MICU1: variants seen among roughly 807,000 people sequenced by gnomAD.
MICU1 encodes calcium uptake protein 1, mitochondrial.
In MICU1, 45 loss-of-function variants were observed where a neutral mutation model predicts 56.8. That is an observed-to-expected ratio of 0.79 (90% CI 0.62 to 1.02). The LOEUF (loss-of-function observed/expected upper bound fraction) is 1.02. MICU1 is among the 50% of genes least tolerant of loss of function. The pLI, the probability that MICU1 is intolerant of heterozygous loss-of-function variation, is 0.00. For missense variants in MICU1, 504 were observed against 587.1 expected (o/e 0.86, Z 1.46); for synonymous variants, 186 against 195.1 (o/e 0.95, Z 0.39).
intron 10 of MICU1, 70 bp from the exon 11 acceptor site, chr10:72,375,942 A>G: frequency 2.2e-6 from 3 of 1,353,274 alleles, no homozygotes; most frequent in Middle Eastern, 3.6e-4. Context: ...TTCAGGGGAT[A>G]AAACGACTCA....
chr10:72,395,360 T>C (rs1001784925), intron 10 of MICU1, among the ~76,000 whole-genome samples: 17 of 152,202 alleles, frequency 1.1e-4, no homozygotes, highest in African/African-American at 3.4e-4. Flanking sequence ...GCTCCCAGTG[T>C]GATCGACACA....
chr10:72,589,026 G>A (rs767896896), intron 1 of MICU1, among the ~76,000 whole-genome samples: 4 of 152,110 alleles, frequency 2.6e-5, no homozygotes, highest in African/African-American at 7.2e-5. Flanking sequence ...GGTGACTCAC[G>A]CCTGTAATCC....
At chr10:72,423,117 A>T (rs572632877) in intron 9 of MICU1, 117 bp downstream of exon 9, 1 of 1,363,396 alleles carries the variant, frequency 7.3e-7, no homozygotes, top group Admixed American at 2.4e-5. Context: ...ACCAGAAATG[A>T]ATTAGGTGTA....
At chr10:72,413,223 CA>C (rs369850661) in intron 9 of MICU1, among the ~76,000 whole-genome samples, 1 of 132,468 alleles carries the variant, frequency 7.5e-6, no homozygotes, top group African/African-American at 4.3e-5. Flanking sequence ...AAAACAAAAA[CA>C]AAACAAAACA....
intron 8 of MICU1, among the ~76,000 whole-genome samples, chr10:72,440,203 T>C (rs1026104610): frequency 6.6e-6 from 1 of 152,068 alleles, no homozygotes; most frequent in African/African-American, 2.4e-5. Context: ...AAAACAGATA[T>C]ATAGACTAAT....
intron 9 of MICU1, 120 bp downstream of exon 9, chr10:72,423,114 A>G: frequency 1.5e-6 from 2 of 1,348,236 alleles, no homozygotes; most frequent in Non-Finnish European, 2.0e-6. Flanking sequence ...GGTACCAGAA[A>G]TGAATTAGGT....
intron 1 of MICU1, chr10:72,582,920 A>G (rs558569691): frequency 9.2e-5 from 14 of 152,238 alleles, no homozygotes; most frequent in African/African-American, 2.4e-4. Context: ...AGTGTCCACA[A>G]TAAGTTCAAT....
Position 72,475,169 on chromosome 10 carries a change from C to G in MICU1, c.864G>C (p.Lys288Asn), listed in dbSNP as rs531753882. Residue 288 changes from lysine to asparagine, a missense_variant, in exon 8 of 12, where the codon AAG (lysine) becomes AAC (asparagine). Coordinates refer to ENST00000361114, the MANE Select transcript of MICU1 (RefSeq NM_001195518.2). ...LTTYFFGADL[K>N]GKLTIKNFLE... ...GGAAGTTTTTGATTGTCAGCTTTCC[C>G]TTCAGATCAGCTCCAAAAAAGTAGG... is the stretch of plus-strand genomic sequence containing the variant. The G allele has an allele frequency of 9.3e-6, 15 of 1,611,334 alleles. No individual in the cohort carries two copies. In the East Asian group the frequency reaches 3.3e-4, roughly 36 times the overall value.
chr10:72,511,881 C>T (rs1867462405), intron 5 of MICU1, among the ~76,000 whole-genome samples: 1 of 152,144 alleles, frequency 6.6e-6, no homozygotes, highest in Admixed American at 6.5e-5. Context: ...CTCCAGATCC[C>T]TAGCTGATTG....
chr10:72,436,557 T>A (rs142359858), intron 8 of MICU1, among the ~76,000 whole-genome samples: 4,135 of 152,248 alleles, frequency 0.027, 180 homozygotes, highest in African/African-American at 0.096. Flanking sequence ...AGACAGAGAA[T>A]GACTTTGACG....
In MICU1 at chr10:72,566,660, G is replaced by T; in HGVS notation, c.134C>A (p.Thr45Asn). 3 of 1,613,008 alleles carry T rather than the reference G, an allele frequency of 1.9e-6. No homozygotes were observed. The highest frequency in any genetic ancestry group is 2.2e-5 in the South Asian group (2 of 90,816). ...CTTCCACAAAAGACCAGTACTTGCAGTTACTGCAGATGCTCCCAGGAAAGC... is the reference window on the plus strand; with the variant it reads ...CTTCCACAAAAGACCAGTACTTGCATTTACTGCAGATGCTCCCAGGAAAGC... ...MVAFLGASAV[T>N]ASTGLLWKRA... The change falls in exon 2 of 12, where the codon ACT (threonine) becomes AAT (asparagine). Residue 45 changes from threonine (T) to asparagine (N), a missense_variant. Thr to Asn is a moderately conservative substitution (Grantham distance 65). Transcript: ENST00000361114.
At chr10:72,607,627 A>G in intron 1 of MICU1, among the ~76,000 whole-genome samples, 1 of 149,852 alleles carries the variant, frequency 6.7e-6, no homozygotes. Context: ...ACAAGAGCGA[A>G]ACTCCATCTC....
intron 9 of MICU1, among the ~76,000 whole-genome samples, chr10:72,415,996 G>A (rs1167996905): frequency 6.6e-6 from 1 of 152,154 alleles, no homozygotes; most frequent in East Asian, 1.9e-4. Flanking sequence ...CACAAGATAT[G>A]TAAAATGTCT....
At chr10:72,593,739 T>C (rs1313056987) in intron 1 of MICU1, among the ~76,000 whole-genome samples, 2 of 152,060 alleles carry the variant, frequency 1.3e-5, no homozygotes, top group Admixed American at 6.6e-5. Context: ...TGATAAACAA[T>C]TGGAAAAGGA....
In MICU1 at chr10:72,616,856, C is replaced by G. The variant is rs149894410; in HGVS notation, c.-2+9154G>C. Among the ~76,000 whole-genome samples, 185 of 152,274 alleles carry G rather than the reference C, an allele frequency of 1.2e-3. 1 individual carries two copies. The highest frequency in any genetic ancestry group is 4.0e-3 in the African/African-American group (166 of 41,558). ...TTTCCAGTTTTCTGCCCTGCAAACT[C>G]CAGATGCTTTGGCCTCCCCAGACTC... On this transcript the variant is annotated intron_variant, in intron 1 of 11. Transcript: ENST00000361114.
intron 1 of MICU1, among the ~76,000 whole-genome samples, chr10:72,622,898 A>G (rs1333016826): frequency 1.3e-5 from 2 of 152,180 alleles, no homozygotes; most frequent in Non-Finnish European, 2.9e-5. Flanking sequence ...ACCAAAGCAC[A>G]TAGAATATCC....
At chr10:72,463,992 C>T (rs184125479) in intron 8 of MICU1, among the ~76,000 whole-genome samples, 22 of 152,144 alleles carry the variant, frequency 1.4e-4, no homozygotes, top group African/African-American at 5.1e-4. Context: ...TTTACAATTG[C>T]CTTGTTTTGT....
At chr10:72,407,167 T>C (rs1321799327) in intron 10 of MICU1, among the ~76,000 whole-genome samples, 2 of 152,164 alleles carry the variant, frequency 1.3e-5, no homozygotes, top group East Asian at 3.8e-4. Context: ...TTTAAATGAA[T>C]CTTGAACTTT....
At chr10:72,462,299 C>A (rs1865662805) in intron 8 of MICU1, among the ~76,000 whole-genome samples, 1 of 150,894 alleles carries the variant, frequency 6.6e-6, no homozygotes. Context: ...TCACTGTAGC[C>A]TTGACCTCCT....
Sources: allele counts gnomAD v4.1 joint callset (sites outside exome capture counted in the v4.1 genomes callset), GRCh38; gene constraint gnomAD v4.1.1; transcripts MANE v1.5; gene names NCBI Gene and HGNC (gene_info 2026-07-23, HGNC 2026-07-21).